The following IL7R variants were observed in gnomAD, a reference collection of about 807,000 sequenced individuals.
IL7R encodes interleukin-7 receptor subunit alpha.
Under a neutral mutation model 47.0 loss-of-function variants are expected in IL7R, and 38 were observed. The ratio of observed to expected loss-of-function variants is 0.81; its 90% CI spans 0.62 to 1.06. The LOEUF is 1.06. Among genes scored for constraint, IL7R ranks in the 50% least tolerant of loss-of-function variants. The pLI is 0.00. For missense variants in IL7R, 633 were observed against 534.8 expected, an observed-to-expected ratio of 1.18 and a Z score of -1.81; for synonymous variants, 221 against 199.8, an observed-to-expected ratio of 1.11 and a Z score of -0.89.
At chr5:35,862,283 C>G (rs11567710) in intron 2 of IL7R, among the ~76,000 whole-genome samples, 1 of 152,122 alleles carries the variant, frequency 6.6e-6, no homozygotes, top group Non-Finnish European at 1.5e-5. Context: ...CTCTCCCACA[C>G]GGAGGTTTGA....
chr5:35,859,230 A>C (rs1445144279), intron 1 of IL7R, among the ~76,000 whole-genome samples: 1 of 152,144 alleles, frequency 6.6e-6, no homozygotes, highest in Non-Finnish European at 1.5e-5. Flanking sequence ...CATCTGCTAG[A>C]GTGTGCTGTC....
chr5:35,865,771 A>G (rs959957682), intron 2 of IL7R, among the ~76,000 whole-genome samples: 1 of 152,216 alleles, frequency 6.6e-6, no homozygotes, highest in Admixed American at 6.6e-5. Flanking sequence ...AAAAACAAAC[A>G]ACCCCATCAA....
chr5:35,857,775 T>C (rs1260306020), intron 1 of IL7R, among the ~76,000 whole-genome samples: 4 of 152,088 alleles, frequency 2.6e-5, no homozygotes, highest in Admixed American at 6.5e-5. Flanking sequence ...CATAAACACA[T>C]TGTAATTATA....
chr5:35,866,799 G>T (rs925997957), intron 2 of IL7R, among the ~76,000 whole-genome samples: 1 of 151,868 alleles, frequency 6.6e-6, no homozygotes, highest in African/African-American at 2.4e-5. Flanking sequence ...AACCACTCTT[G>T]TTAGGGTTCA....
In IL7R at chr5:35,876,623, A is replaced by G; in HGVS notation, c.*137A>G. ...CCACTACACAGTCTGCAAGATTCTG[A>G]AACATTGCTTTGACCACTCTTCCTG... On this transcript the variant is annotated 3_prime_UTR_variant, in exon 8 of 8. Transcript: ENST00000303115. The G allele has an allele frequency of 1.1e-6, 1 of 910,960 alleles. No homozygotes were observed. The highest frequency in any genetic ancestry group is 1.7e-6 in the Non-Finnish European group (1 of 578,210). The allele number at this position is 910,960 out of a possible 1,614,324, so 56.4% of individuals were successfully genotyped here.
intron 2 of IL7R, among the ~76,000 whole-genome samples, chr5:35,866,710 A>G (rs988454052): frequency 9.9e-5 from 15 of 152,056 alleles, no homozygotes; most frequent in African/African-American, 3.1e-4. Flanking sequence ...TCCTTATTAT[A>G]CTTTTAACAT....
chr5:35,867,570 C>T (rs768852157), intron 3 of IL7R, 107 bp downstream of exon 3: 2 of 854,300 alleles, frequency 2.3e-6, no homozygotes, highest in African/African-American at 1.7e-5. Context: ...AAACAACTGG[C>T]AATAGATAAT....
In IL7R at chr5:35,873,407, T is replaced by C. The variant is rs1004796829; in HGVS notation, c.538-73T>C. 152 of 1,240,888 alleles carry C rather than the reference T, an allele frequency of 1.2e-4. No individual in the cohort carries two copies. In the African/African-American group the frequency reaches 1.7e-3, roughly 14 times the overall value. 76.9% of individuals were successfully genotyped at this position (1,240,888 alleles called of 1,614,324 possible). ...GCTTATGGGACTAAAGGAATCCCAA[T>C]TGAAATGATTTGGGAGATTTAGGCA... On this transcript the variant is annotated intron_variant, in intron 4 of 7. Coordinates refer to ENST00000303115, the MANE Select transcript of IL7R (RefSeq NM_002185.5).
chr5:35,871,569 A>G (rs867980160), intron 4 of IL7R, among the ~76,000 whole-genome samples: 3 of 152,206 alleles, frequency 2.0e-5, no homozygotes, highest in Non-Finnish European at 2.9e-5. Context: ...ATATCTGCTT[A>G]TGATCACCAA....
chr5:35,862,503 A>G (rs1163279794), intron 2 of IL7R, among the ~76,000 whole-genome samples: 2 of 152,096 alleles, frequency 1.3e-5, no homozygotes, highest in South Asian at 4.1e-4. Flanking sequence ...GGGTTTTCCA[A>G]TTGGATTCAG....
rs2149906423 is a variant in IL7R, at chr5:35,876,465, C to T, written c.1359C>T (p.Ser453=). 6.2e-7 allele frequency: 1 copy of T among 1,603,412 alleles called. No individual in the cohort carries two copies. Among genetic ancestry groups the T allele is most frequent in the Non-Finnish European group, 8.5e-7 (1 of 1,179,932 alleles). ...SNQEEAYVTM[S]SFYQNQ is the part of the protein sequence containing the mutation. ...AAGAAGAAGCATATGTCACCATGTCCAGCTTCTACCAAAACCAGTGAAGTG... is the reference window on the plus strand; with the variant it reads ...AAGAAGAAGCATATGTCACCATGTCTAGCTTCTACCAAAACCAGTGAAGTG... The change falls in exon 8 of 8, where the codon TCC becomes TCT. Residue 453 remains serine, a synonymous_variant. Coordinates refer to ENST00000303115, the MANE Select transcript of IL7R (RefSeq NM_002185.5).
chr5:35,872,631 G>A (rs977541573), intron 4 of IL7R, among the ~76,000 whole-genome samples: 1 of 152,098 alleles, frequency 6.6e-6, no homozygotes, highest in Non-Finnish European at 1.5e-5. Flanking sequence ...ATAGCCAAAT[G>A]TTTACATAAT....
intron 2 of IL7R, 133 bp downstream of exon 2, chr5:35,861,123 C>A: frequency 1.1e-6 from 1 of 937,042 alleles, no homozygotes; most frequent in Non-Finnish European, 1.7e-6. Flanking sequence ...TTCCCAAAGG[C>A]CTCCTGAAAC....
At chr5:35,873,383 C>T in intron 4 of IL7R, 97 bp from the exon 5 acceptor site, 1 of 1,038,776 alleles carries the variant, frequency 9.6e-7, no homozygotes, top group Middle Eastern at 2.0e-4. Context: ...TCAGAGAATG[C>T]TTATGGGACT....
intron 2 of IL7R, among the ~76,000 whole-genome samples, chr5:35,862,889 T>C (rs1293048530): frequency 6.6e-6 from 1 of 152,120 alleles, no homozygotes; most frequent in Admixed American, 6.6e-5. Flanking sequence ...AATTCAGAAA[T>C]GGGACCCCGC....
chr5:35,864,110 T>C (rs1759883945), intron 2 of IL7R, among the ~76,000 whole-genome samples: 1 of 152,180 alleles, frequency 6.6e-6, no homozygotes, highest in African/African-American at 2.4e-5. Flanking sequence ...CAGTTTCTGA[T>C]AGTTCTTATT....
intron 4 of IL7R, among the ~76,000 whole-genome samples, chr5:35,871,625 G>A (rs1760077363): frequency 6.6e-6 from 1 of 152,142 alleles, no homozygotes; most frequent in Non-Finnish European, 1.5e-5. Flanking sequence ...ACCAGCATGA[G>A]GTAAAGAAAA....
chr5:35,857,058 T>C lies in IL7R; in HGVS notation c.81T>C (p.Asn27=), dbSNP rs753451294. 2 of 1,583,050 alleles carry C rather than the reference T, an allele frequency of 1.3e-6. No individual in the cohort carries two copies. The highest frequency in any genetic ancestry group is 1.7e-6 in the Non-Finnish European group (2 of 1,152,316). ...CTGGAGAAAGTGGCTATGCTCAAAA[T>C]GGTGAGTCATTTCTAAGTTTTCTTA... ...VVSGESGYAQ[N]GDLEDAELDD... Residue 27 remains asparagine, a splice_region_variant and synonymous_variant, in exon 1 of 8, where the codon AAT becomes AAC. Coordinates refer to ENST00000303115, the MANE Select transcript of IL7R (RefSeq NM_002185.5).
Position 35,876,148 on chromosome 5 carries a change from A to G in IL7R, c.1042A>G (p.Asn348Asp), listed in dbSNP as rs752755761. ...GCTTGGAGGGGATGTGCAGAGCCCC[A>G]ACTGCCCATCTGAGGATGTAGTCAT... ...QRLGGDVQSP[N>D]CPSEDVVITP... Residue 348 changes from asparagine (N) to aspartate (D), a missense_variant, in exon 8 of 8, where the codon AAC becomes GAC. Transcript: ENST00000303115. The G allele has an allele frequency of 1.1e-5, 17 of 1,614,002 alleles. No individual in the cohort carries two copies. Among genetic ancestry groups the G allele is most frequent in the Non-Finnish European group, 1.4e-5 (16 of 1,179,984 alleles).
Sources: allele counts gnomAD v4.1 joint callset (sites outside exome capture counted in the v4.1 genomes callset), GRCh38; gene constraint gnomAD v4.1.1; transcripts MANE v1.5; gene names NCBI Gene and HGNC (gene_info 2026-07-23, HGNC 2026-07-21).